Variants in KCNIP4 observed in about 807,000 individuals in gnomAD.
KCNIP4 encodes the protein potassium voltage-gated channel interacting protein 4, also known as Kv channel-interacting protein 4.
KCNIP4 carries 12 observed loss-of-function variants against 34.0 expected under a neutral mutation model. That is an observed-to-expected ratio of 0.35 (90% confidence interval 0.23 to 0.57). The LOEUF is 0.57. Among genes scored for constraint, KCNIP4 ranks in the 20% least tolerant of loss-of-function variants. The probability of loss-of-function intolerance (pLI) is 0.83; values close to 1 mark genes in which losing one functional copy is unlikely to be tolerated. For synonymous variants in KCNIP4, 124 were observed against 102.2 expected (o/e 1.21, Z -1.29); for missense variants, 238 against 311.7 (o/e 0.76, Z 1.78).
chr4:21,523,448 G>A (rs1735710568), intron 1 of KCNIP4, among the ~76,000 whole-genome samples: 1 of 152,022 alleles, frequency 6.6e-6, no homozygotes, highest in African/African-American at 2.4e-5. Context: ...ATGTAAATAT[G>A]CATCAATTTT....
At chr4:21,872,586 A>T (rs1471427640) in intron 1 of KCNIP4, among the ~76,000 whole-genome samples, 1 of 152,206 alleles carries the variant, frequency 6.6e-6, no homozygotes, top group Non-Finnish European at 1.5e-5. Flanking sequence ...AAGGAGGGAC[A>T]GAGAAAAAGG....
intron 1 of KCNIP4, among the ~76,000 whole-genome samples, chr4:21,803,729 C>T (rs1169731996): frequency 2.0e-5 from 3 of 152,162 alleles, no homozygotes; most frequent in Non-Finnish European, 4.4e-5. Flanking sequence ...CCCAGTGAAG[C>T]TTCCAGACCC....
chr4:20,796,781 G>A (rs1420712594), intron 3 of KCNIP4, among the ~76,000 whole-genome samples: 1 of 152,006 alleles, frequency 6.6e-6, no homozygotes, highest in Non-Finnish European at 1.5e-5. Context: ...TAGGTACAAT[G>A]AATAGTAATA....
chr4:20,778,866 T>A (rs1756604275), intron 3 of KCNIP4, among the ~76,000 whole-genome samples: 2 of 152,172 alleles, frequency 1.3e-5, no homozygotes, highest in Non-Finnish European at 2.9e-5. Flanking sequence ...GAGAGCTGTG[T>A]GTGCATGTAA....
chr4:21,870,787 C>G (rs1346287100), intron 1 of KCNIP4, among the ~76,000 whole-genome samples: 1 of 152,158 alleles, frequency 6.6e-6, no homozygotes, highest in East Asian at 1.9e-4. Context: ...AAGGTAAGAT[C>G]TTGGGAACCT....
At chr4:21,741,566 T>C (rs749273992) in intron 1 of KCNIP4, among the ~76,000 whole-genome samples, 140 of 152,304 alleles carry the variant, frequency 9.2e-4, no homozygotes, top group Non-Finnish European at 1.9e-3. Flanking sequence ...GCCTCACCAC[T>C]ACTTGCTATA....
At chr4:21,221,012 C>T (rs1185614134) in intron 1 of KCNIP4, among the ~76,000 whole-genome samples, 2 of 152,110 alleles carry the variant, frequency 1.3e-5, no homozygotes, top group Non-Finnish European at 2.9e-5. Flanking sequence ...AAGAGCCCTC[C>T]AAGCCTCCAA....
intron 1 of KCNIP4, among the ~76,000 whole-genome samples, chr4:21,808,924 G>C (rs568949476): frequency 2.1e-3 from 326 of 152,244 alleles, no homozygotes; most frequent in African/African-American, 7.6e-3. Flanking sequence ...GAGAATTCCT[G>C]ACACACCATG....
chr4:21,478,730 A>G (rs1731192436), intron 1 of KCNIP4, among the ~76,000 whole-genome samples: 1 of 152,188 alleles, frequency 6.6e-6, no homozygotes, highest in Non-Finnish European at 1.5e-5. Context: ...TAAGCAGTAT[A>G]AATTTCGGAA....
intron 1 of KCNIP4, among the ~76,000 whole-genome samples, chr4:21,073,351 G>A (rs559747859): frequency 2.0e-5 from 3 of 152,222 alleles, no homozygotes; most frequent in South Asian, 4.1e-4. Flanking sequence ...TCCTTGAAGA[G>A]GTCCTTCACG....
chr4:21,560,912 C>G (rs546608094), intron 1 of KCNIP4, among the ~76,000 whole-genome samples: 49 of 152,078 alleles, frequency 3.2e-4, no homozygotes, highest in African/African-American at 1.1e-3. Context: ...AAAAATGAGG[C>G]CTTGTATTTG....
chr4:21,795,896 C>T (rs1159021180), intron 1 of KCNIP4, among the ~76,000 whole-genome samples: 1 of 151,978 alleles, frequency 6.6e-6, no homozygotes, highest in Non-Finnish European at 1.5e-5. Flanking sequence ...ATGGTGAGAC[C>T]CTGTCTCTAC....
chr4:20,741,588 A>G (rs954670492), intron 5 of KCNIP4, among the ~76,000 whole-genome samples: 8 of 152,238 alleles, frequency 5.3e-5, no homozygotes, highest in African/African-American at 1.9e-4. Context: ...AGGGAAATTT[A>G]TAGCACTCAA....
intron 1 of KCNIP4, among the ~76,000 whole-genome samples, chr4:20,934,653 AT>A (rs1730855583): frequency 6.6e-6 from 1 of 152,238 alleles, no homozygotes; most frequent in African/African-American, 2.4e-5. Context: ...AAAGATAAAA[AT>A]TTCTATCATC....
At position 21,324,719 on chromosome 4, in the gene KCNIP4, C is replaced by T. The variant is rs537842189; in HGVS notation, c.62-442010G>A. On this transcript the variant is annotated intron_variant, in intron 1 of 8. Transcript: ENST00000382152. ...TTTTGTTTTGTTTTTTTCTTTTACT[C>T]AGGATTGCTTTGGCTTTTCTGGGTC... Among the ~76,000 whole-genome samples, 124 of 148,780 alleles carry T rather than the reference C, an allele frequency of 8.3e-4. 1 individual carries two copies. In the Middle Eastern group the frequency reaches 0.017, roughly 21 times the overall value.
chr4:21,076,274 C>T (rs1314661678), intron 1 of KCNIP4, among the ~76,000 whole-genome samples: 1 of 152,112 alleles, frequency 6.6e-6, no homozygotes, highest in African/African-American at 2.4e-5. Flanking sequence ...CTTTCAGGTA[C>T]ACCAATCAGA....
intron 1 of KCNIP4, among the ~76,000 whole-genome samples, chr4:21,443,757 A>G (rs920777497): frequency 1.1e-4 from 17 of 152,094 alleles, no homozygotes; most frequent in African/African-American, 3.9e-4. Context: ...ACATAGTGAG[A>G]CTCCATCTCC....
rs578100172 is a variant in KCNIP4, at chr4:20,884,884, A to T, written c.62-2175T>A. On this transcript the variant is annotated intron_variant, in intron 1 of 8. Transcript: ENST00000382152. ...CCTGGCTAATTTTTGTATTTTTAGTAGAGACAGGGCTTTGCCATCTTGGCC... is the reference window on the plus strand; with the variant it reads ...CCTGGCTAATTTTTGTATTTTTAGTTGAGACAGGGCTTTGCCATCTTGGCC... Among the ~76,000 whole-genome samples the T allele has an allele frequency of 1.9e-3, 287 of 152,132 alleles. 1 individual carries two copies. The highest frequency in any genetic ancestry group is 6.5e-3 in the African/African-American group (270 of 41,524).
chr4:21,282,559 G>C (rs750006640), intron 1 of KCNIP4, among the ~76,000 whole-genome samples: 7 of 151,490 alleles, frequency 4.6e-5, no homozygotes, highest in Admixed American at 2.0e-4. Flanking sequence ...TTACTATAAG[G>C]CTACTTGAAG....
Sources: gnomAD v4.1 joint callset for allele counts (sites outside exome capture counted in the v4.1 genomes callset) on GRCh38, gnomAD v4.1.1 for gene constraint, MANE v1.5 for transcripts, NCBI Gene and HGNC (gene_info 2026-07-23, HGNC 2026-07-21) for gene names.